SHROOM4: variants seen among roughly 807,000 people sequenced by gnomAD.
The protein encoded by SHROOM4 is shroom family member 4, also known as protein Shroom4.
Under a neutral mutation model 80.3 loss-of-function variants are expected in SHROOM4, and 17 were observed. The ratio of observed to expected loss-of-function variants is 0.21; its 90% CI spans 0.14 to 0.32. The LOEUF (loss-of-function observed/expected upper bound fraction) is 0.32, where lower values mean the gene tolerates loss of function less well. SHROOM4 is among the 10% of genes least tolerant of loss of function. SHROOM4 has a pLI of 1.00. For synonymous variants in SHROOM4, 400 were observed against 437.5 expected (o/e 0.91, Z 1.07); for missense variants, 993 against 1,140.3 (o/e 0.87, Z 1.86).
intron 5 of SHROOM4, among the ~76,000 whole-genome samples, chrX:50,611,044 A>T (rs1929949386): frequency 9.0e-6 from 1 of 111,374 alleles, no homozygotes; most frequent in African/African-American, 3.3e-5. Context: ...GTATATTTTT[A>T]ATTGGCTATA....
At chrX:50,660,950 C>G (rs986992319) in intron 2 of SHROOM4, among the ~76,000 whole-genome samples, 7 of 110,020 alleles carry the variant, frequency 6.4e-5, no homozygotes, top group African/African-American at 2.3e-4. Flanking sequence ...AGCCCACTTT[C>G]TTTTTGTCTG....
chrX:50,609,972 G>T (rs1460723820), intron 5 of SHROOM4, among the ~76,000 whole-genome samples: 1 of 110,941 alleles, frequency 9.0e-6, no homozygotes, highest in African/African-American at 3.3e-5. Flanking sequence ...CACAAGATCT[G>T]GTTTCCTGCT....
chrX:50,740,570 A>T (rs782272315), intron 1 of SHROOM4, among the ~76,000 whole-genome samples: 2 of 111,835 alleles, frequency 1.8e-5, no homozygotes, highest in African/African-American at 6.5e-5. Context: ...GATGTAGGTT[A>T]CTTGAACAAC....
At chrX:50,673,724 G>C (rs184060475) in intron 2 of SHROOM4, among the ~76,000 whole-genome samples, 117 of 110,427 alleles carry the variant, frequency 1.1e-3, no homozygotes, top group Non-Finnish European at 1.9e-3. Flanking sequence ...TGAATGAAAG[G>C]AAAGAGAGAA....
intron 1 of SHROOM4, among the ~76,000 whole-genome samples, chrX:50,757,949 C>A (rs1306656066): frequency 9.0e-6 from 1 of 111,288 alleles, no homozygotes; most frequent in African/African-American, 3.3e-5. Flanking sequence ...TATCTTTCTA[C>A]TTATTTAAGT....
At chrX:50,706,496 C>T (rs1463371177) in intron 1 of SHROOM4, among the ~76,000 whole-genome samples, 1 of 111,839 alleles carries the variant, frequency 8.9e-6, no homozygotes, top group African/African-American at 3.3e-5. Context: ...GGATATCACC[C>T]TATTCATTTG....
At chrX:50,602,565 G>C in intron 7 of SHROOM4, 68 bp downstream of exon 7, 1 of 1,062,123 alleles carries the variant, frequency 9.4e-7, no homozygotes, top group Non-Finnish European at 1.3e-6. Context: ...AGTGTAGAAG[G>C]CTGGTCATCC....
At chrX:50,749,020 G>A (rs372376502) in intron 1 of SHROOM4, among the ~76,000 whole-genome samples, 71 of 111,841 alleles carry the variant, frequency 6.3e-4, no homozygotes, top group African/African-American at 2.1e-3. Context: ...AGACCAGCCC[G>A]GGCAACATGG....
At chrX:50,629,691 A>G (rs1930963164) in intron 4 of SHROOM4, among the ~76,000 whole-genome samples, 1 of 111,550 alleles carries the variant, frequency 9.0e-6, no homozygotes, top group Admixed American at 9.5e-5. Flanking sequence ...ATCCCATACA[A>G]TTGGTAAGTG....
rs191741823 is a variant in SHROOM4, at chrX:50,690,984, A to G, written c.269+4802T>C. ...TCTATCTCAAAAAAAGAGTTTGCAA[A>G]GCTTTTCTTTGTGACATACATATGA... is the stretch of plus-strand genomic sequence containing the variant. On this transcript the variant is annotated intron_variant, in intron 2 of 8. Coordinates refer to ENST00000376020, the MANE Select transcript of SHROOM4 (RefSeq NM_020717.5). Among the ~76,000 whole-genome samples, 33 of 112,854 alleles carry G rather than the reference A, an allele frequency of 2.9e-4. No individual in the cohort carries two copies. The East Asian group carries it at 6.4e-3, about 22-fold the overall frequency.
chrX:50,712,939 T>G (rs1210397542), intron 1 of SHROOM4, among the ~76,000 whole-genome samples: 1 of 111,382 alleles, frequency 9.0e-6, no homozygotes, highest in African/African-American at 3.3e-5. Context: ...TATGCTCCTC[T>G]GCAAGGGGTT....
chrX:50,630,749 A>C (rs1557253986), intron 4 of SHROOM4, among the ~76,000 whole-genome samples: 1 of 111,881 alleles, frequency 8.9e-6, no homozygotes, highest in Non-Finnish European at 1.9e-5. Flanking sequence ...GTGCATTTTA[A>C]AGTAAGTTGA....
chrX:50,668,644 T>A (rs1932757532), intron 2 of SHROOM4, among the ~76,000 whole-genome samples: 3 of 112,041 alleles, frequency 2.7e-5, no homozygotes, highest in Non-Finnish European at 3.8e-5. Context: ...CACCACAAGA[T>A]CACAGAAATG....
chrX:50,600,251 T>G lies in SHROOM4; in HGVS notation c.3943-1716A>C, dbSNP rs782363188. 1.3e-3 allele frequency among the ~76,000 whole-genome samples: 145 copies of G among 111,714 alleles called. 1 individual carries two copies. The highest frequency in any genetic ancestry group is 1.6e-3 in the Non-Finnish European group (87 of 53,206). On this transcript the variant is annotated intron_variant, in intron 7 of 8. Coordinates refer to ENST00000376020, the MANE Select transcript of SHROOM4 (RefSeq NM_020717.5). ...ATTAGTTCTACAACATACTCCAAAC[T>G]AATAGATACTTGTCTAGCTGCAAGG...
At chrX:50,764,028 G>A (rs1364157141) in intron 1 of SHROOM4, among the ~76,000 whole-genome samples, 1 of 111,676 alleles carries the variant, frequency 9.0e-6, no homozygotes, top group Non-Finnish European at 1.9e-5. Flanking sequence ...GATCTCTACC[G>A]TTTTTGAAAA....
At chrX:50,751,530 T>A (rs1478822242) in intron 1 of SHROOM4, among the ~76,000 whole-genome samples, 1 of 111,400 alleles carries the variant, frequency 9.0e-6, no homozygotes, top group East Asian at 2.8e-4. Context: ...GTGGGGAAGG[T>A]TTCTATAATA....
At chrX:50,734,305 C>G (rs2147551016) in intron 1 of SHROOM4, among the ~76,000 whole-genome samples, 1 of 111,986 alleles carries the variant, frequency 8.9e-6, no homozygotes, top group Non-Finnish European at 1.9e-5. Context: ...TTACAAGGGA[C>G]CCAGAATACT....
Position 50,813,983 on chromosome X carries a change from A to G in SHROOM4, c.36T>C (p.Pro12=). ...AGGGTGCCCCCCCTTGCAGCTGCAC[A>G]GGGACGTACTGGAAGGACCCAGGCC... is the stretch of plus-strand genomic sequence containing the variant. ...ENRPGSFQYV[P]VQLQGGAPWG... The change falls in exon 1 of 9, where the codon CCT becomes CCC. Residue 12 remains proline (P), a synonymous_variant. Coordinates refer to ENST00000376020, the MANE Select transcript of SHROOM4 (RefSeq NM_020717.5). 6 of 1,208,977 alleles carry G rather than the reference A, an allele frequency of 5.0e-6. No homozygotes were observed. The highest frequency in any genetic ancestry group is 3.5e-5 in the African/African-American group (2 of 57,559).
At chrX:50,666,294 T>C (rs1270769225) in intron 2 of SHROOM4, among the ~76,000 whole-genome samples, 9 of 111,970 alleles carry the variant, frequency 8.0e-5, no homozygotes, top group African/African-American at 2.9e-4. Context: ...CCAGTCTAGC[T>C]GGGACAAACC....
Sources: allele counts gnomAD v4.1 joint callset (sites outside exome capture counted in the v4.1 genomes callset), GRCh38; gene constraint gnomAD v4.1.1; transcripts MANE v1.5; gene names NCBI Gene and HGNC (gene_info 2026-07-23, HGNC 2026-07-21).